The following PBX1 variants were observed in gnomAD, a reference collection of about 807,000 sequenced individuals.
The protein encoded by PBX1 is PBX homeobox 1.
Under a neutral mutation model 53.4 loss-of-function variants are expected in PBX1, and 6 were observed. That is an observed-to-expected ratio of 0.11 (90% CI 0.06 to 0.22). PBX1 has a LOEUF of 0.22. Among genes scored for constraint, PBX1 ranks in the 10% least tolerant of loss-of-function variants. PBX1 has a pLI of 1.00. For synonymous variants in PBX1, 204 were observed against 212.3 expected, an observed-to-expected ratio of 0.96 and a Z score of 0.34; for missense variants, 251 against 551.4, an observed-to-expected ratio of 0.46 and a Z score of 5.46.
At chr1:164,584,727 C>CA (rs1654838128) in intron 2 of PBX1, among the ~76,000 whole-genome samples, 1 of 152,074 alleles carries the variant, frequency 6.6e-6, no homozygotes, top group South Asian at 2.1e-4. Context: ...AAGTGATAAT[C>CA]AGACTAGGAA....
intron 2 of PBX1, among the ~76,000 whole-genome samples, chr1:164,710,709 C>T (rs1033499782): frequency 8.5e-5 from 13 of 152,076 alleles, no homozygotes; most frequent in African/African-American, 1.2e-4. Context: ...CCACGCCTGG[C>T]GGTGCTGGCT....
At chr1:164,728,090 C>T (rs1376559174) in intron 2 of PBX1, among the ~76,000 whole-genome samples, 1 of 152,036 alleles carries the variant, frequency 6.6e-6, no homozygotes, top group African/African-American at 2.4e-5. Context: ...TTTGGGAGGC[C>T]AGAGTGGGAG....
intron 2 of PBX1, among the ~76,000 whole-genome samples, chr1:164,868,047 G>A (rs987269998): frequency 6.6e-6 from 1 of 152,184 alleles, no homozygotes; most frequent in Admixed American, 6.5e-5. Context: ...ACAAATGTTA[G>A]GTCTCAGGTG....
Position 164,739,280 on chromosome 1 carries a change from G to C in PBX1, c.266-53214G>C, listed in dbSNP as rs561126180. On this transcript the variant is annotated intron_variant, in intron 2 of 8. Transcript: ENST00000420696. ...TTGCCTAAAATGGGCTCCACATTCA[G>C]CTCCCTACCTTTGAGTAAATAATCA... Among the ~76,000 whole-genome samples the C allele has an allele frequency of 2.6e-5, 4 of 152,280 alleles. No individual in the cohort carries two copies. The East Asian group carries it at 5.8e-4, about 22-fold the overall frequency.
chr1:164,741,199 A>G (rs1665583503), intron 2 of PBX1, among the ~76,000 whole-genome samples: 1 of 152,158 alleles, frequency 6.6e-6, no homozygotes, highest in Admixed American at 6.5e-5. Context: ...CAAGGATATA[A>G]CCCATAGTCC....
chr1:164,621,186 G>T (rs563756325), intron 2 of PBX1, among the ~76,000 whole-genome samples: 1 of 151,216 alleles, frequency 6.6e-6, no homozygotes, highest in East Asian at 2.0e-4. Context: ...ACGGGGTTTC[G>T]CTATGTTGGC....
At chr1:164,799,663 C>G in intron 3 of PBX1, 36 bp from the exon 4 acceptor site, 1 of 1,578,950 alleles carries the variant, frequency 6.3e-7, no homozygotes, top group Non-Finnish European at 8.7e-7. Context: ...GAGGCTTGGA[C>G]CCTCAATGAC....
chr1:164,793,205 G>A (rs775761865), intron 3 of PBX1, among the ~76,000 whole-genome samples: 4 of 152,128 alleles, frequency 2.6e-5, no homozygotes, highest in African/African-American at 4.8e-5. Flanking sequence ...TATCCTATGG[G>A]AAAGGACTTA....
chr1:164,636,748 A>C (rs1376814822), intron 2 of PBX1, among the ~76,000 whole-genome samples: 1 of 152,132 alleles, frequency 6.6e-6, no homozygotes, highest in East Asian at 1.9e-4. Flanking sequence ...GCCCTTGGCC[A>C]CTTAGAAGGC....
At position 164,822,245 on chromosome 1, in the gene PBX1, G is replaced by C. The variant is rs558237989; in HGVS notation, c.1200+619G>C. Among the ~76,000 whole-genome samples, 4 of 152,076 alleles carry C rather than the reference G, an allele frequency of 2.6e-5. No individual in the cohort carries two copies. The South Asian group carries it at 6.2e-4, about 24-fold the overall frequency. ...CAAGGAGAACCGAGTGTAGATTTGG[G>C]ACAGCAATCCAACTTGATTTCTCAG... On this transcript the variant is annotated intron_variant, in intron 8 of 8. Transcript: ENST00000420696.
chr1:164,775,069 A>G (rs1478638320), intron 2 of PBX1, among the ~76,000 whole-genome samples: 2 of 151,910 alleles, frequency 1.3e-5, no homozygotes, highest in African/African-American at 4.8e-5. Context: ...ACACCGAGGA[A>G]GCTCGCTTAG....
At chr1:164,593,976 T>G (rs1655584597) in intron 2 of PBX1, among the ~76,000 whole-genome samples, 1 of 152,224 alleles carries the variant, frequency 6.6e-6, no homozygotes, top group South Asian at 2.1e-4. Context: ...CACTTTAGCC[T>G]TCTTTCACCT....
At chr1:164,779,248 T>C (rs1171009367) in intron 2 of PBX1, among the ~76,000 whole-genome samples, 2 of 151,910 alleles carry the variant, frequency 1.3e-5, no homozygotes, top group African/African-American at 4.8e-5. Flanking sequence ...TCACTTTGTA[T>C]ATTAGCTCTT....
At chr1:164,667,454 A>G (rs1034477860) in intron 2 of PBX1, among the ~76,000 whole-genome samples, 1 of 151,776 alleles carries the variant, frequency 6.6e-6, no homozygotes, top group African/African-American at 2.4e-5. Flanking sequence ...AGCTCTGTCT[A>G]TATATATACA....
At position 164,618,720 on chromosome 1, in the gene PBX1, G is replaced by C. The variant is rs1328849037; in HGVS notation, c.265+55409G>C. 2.6e-5 allele frequency among the ~76,000 whole-genome samples: 4 copies of C among 152,150 alleles called. No individual in the cohort carries two copies. In the East Asian group the frequency reaches 7.7e-4, roughly 29 times the overall value. ...GAAATAAACACATTAGGAACTCCTT[G>C]GTCTTTTACATCTCTAATATTTATG... On this transcript the variant is annotated intron_variant, in intron 2 of 8. Coordinates refer to ENST00000420696, the MANE Select transcript of PBX1 (RefSeq NM_002585.4).
Position 164,849,644 on chromosome 1 carries a change from C to G in PBX1, c.*2968C>G. ...GGGTTTGCCCACCTTGTAACTCTTC[C>G]TTATCTCCTCCTTTTCATCCCTAAT... On this transcript the variant is annotated 3_prime_UTR_variant, in exon 9 of 9. Transcript: ENST00000420696. The G allele has an allele frequency of 2.1e-6, 1 of 469,338 alleles. No homozygotes were observed. Among genetic ancestry groups the G allele is most frequent in the South Asian group, 4.3e-5 (1 of 23,278 alleles). The allele number at this position is 469,338 out of a possible 1,614,324, so 29.1% of individuals were successfully genotyped here.
At chr1:164,700,782 TGA>T in intron 2 of PBX1, 1 of 962,934 alleles carries the variant, frequency 1.0e-6, no homozygotes, top group South Asian at 5.0e-5. Flanking sequence ...TGGGTTTCTA[TGA>T]CTTTTTTCAC....
chr1:164,590,167 G>A (rs550575827), intron 2 of PBX1, among the ~76,000 whole-genome samples: 48 of 151,558 alleles, frequency 3.2e-4, no homozygotes, highest in Non-Finnish European at 4.9e-4. Flanking sequence ...AGCCGTGATC[G>A]TGCTGCTGTG....
At chr1:164,875,104 C>T (rs931765271) in intron 2 of PBX1, among the ~76,000 whole-genome samples, 1 of 152,128 alleles carries the variant, frequency 6.6e-6, no homozygotes, top group Non-Finnish European at 1.5e-5. Context: ...TCCAGAGACA[C>T]TTGCCTTACA....
Sources: gnomAD v4.1 joint callset for allele counts (sites outside exome capture counted in the v4.1 genomes callset) on GRCh38, gnomAD v4.1.1 for gene constraint, MANE v1.5 for transcripts, NCBI Gene and HGNC (gene_info 2026-07-23, HGNC 2026-07-21) for gene names.